Variants in PTBP1 observed in about 807,000 individuals in gnomAD.
PTBP1 encodes the protein polypyrimidine tract binding protein 1.
PTBP1 carries 8 observed loss-of-function variants against 59.8 expected under a neutral mutation model. The observed-to-expected ratio is 0.13, with a 90% confidence interval of 0.08 to 0.24. The LOEUF is 0.24. PTBP1 is among the 10% of genes least tolerant of loss of function. The probability of loss-of-function intolerance (pLI) is 1.00; values close to 1 mark genes in which losing one functional copy is unlikely to be tolerated. For synonymous variants in PTBP1, 490 were observed against 320.7 expected (o/e 1.53, Z -5.64); for missense variants, 686 against 767.0 (o/e 0.89, Z 1.25).
chr19:810,393 G>T, intron 13 of PTBP1, 150 bp from the exon 14 acceptor site: 1 of 626,044 alleles, frequency 1.6e-6, no homozygotes, highest in East Asian at 2.9e-5. Context: ...GACCATTGTG[G>T]ACATGATTTG....
At position 804,516 on chromosome 19, in the gene PTBP1, G is replaced by T. The variant is rs772299539; in HGVS notation, c.436-16G>T. ...CAGCCGCAGGGGCCGGGGACTCACG[G>T]CTGTGCCTCCCACAGCGGGCCCAGG... On this transcript the variant is annotated splice_polypyrimidine_tract_variant and intron_variant, in intron 5 of 14. Coordinates refer to ENST00000356948, the MANE Select transcript of PTBP1 (RefSeq NM_002819.5). 6.3e-7 allele frequency: 1 copy of T among 1,597,908 alleles called. No homozygotes were observed. Among genetic ancestry groups the T allele is most frequent in the Admixed American group, 1.7e-5 (1 of 59,170 alleles).
intron 2 of PTBP1, among the ~76,000 whole-genome samples, chr19:801,358 C>T (rs912741680): frequency 6.6e-6 from 1 of 152,242 alleles, no homozygotes; most frequent in Non-Finnish European, 1.5e-5. Flanking sequence ...TGAGCTGAGC[C>T]AAGCCGGCCT....
At chr19:805,360 T>A in intron 8 of PTBP1, 132 bp from the exon 9 acceptor site, 1 of 1,191,104 alleles carries the variant, frequency 8.4e-7, no homozygotes, top group Non-Finnish European at 1.2e-6. Flanking sequence ...CGGCCCCCCC[T>A]GGAGCAGCGG....
chr19:809,907 T>C (rs1329775021), intron 13 of PTBP1, among the ~76,000 whole-genome samples: 1 of 151,998 alleles, frequency 6.6e-6, no homozygotes, highest in Non-Finnish European at 1.5e-5. Context: ...TCTGTAAAAA[T>C]TACATAATGC....
At position 807,901 on chromosome 19, in the gene PTBP1, C is replaced by A. The variant is rs138165723; in HGVS notation, c.1152C>A (p.Phe384Leu). The change falls in exon 11 of 15, where the codon TTC becomes TTA. Residue 384 changes from phenylalanine to leucine, a missense_variant and splice_region_variant. Transcript: ENST00000356948. ...RVTPQSLFILFGVYGDVQRVK... is the reference protein window; with the variant it reads ...RVTPQSLFILLGVYGDVQRVK... The stretch of plus-strand genomic sequence containing the variant: ...CACCCCAAAGCCTCTTTATTCTTTT[C>A]GGTATGTTATCGTTCACACTTTTAT... 1 of 1,612,302 alleles carries A rather than the reference C, an allele frequency of 6.2e-7. No individual in the cohort carries two copies. The highest frequency in any genetic ancestry group is 2.2e-5 in the East Asian group (1 of 44,876).
intron 1 of PTBP1, among the ~76,000 whole-genome samples, chr19:798,242 C>G (rs1002257997): frequency 2.0e-5 from 3 of 152,106 alleles, no homozygotes; most frequent in Admixed American, 6.5e-5. Context: ...GGGGAGGGGC[C>G]TTCCCGGCTC....
intron 3 of PTBP1, 116 bp downstream of exon 3, chr19:803,752 C>G: frequency 1.0e-6 from 1 of 959,874 alleles, no homozygotes; most frequent in Admixed American, 2.1e-5. Flanking sequence ...CCATGGTCCA[C>G]GCTACAGACC....
At chr19:803,895 C>G in intron 3 of PTBP1, 141 bp from the exon 4 acceptor site, 1 of 1,016,742 alleles carries the variant, frequency 9.8e-7, no homozygotes. Flanking sequence ...GTCTTGGCCT[C>G]TCGCGCTGCT....
At chr19:803,901 C>T (rs2034445815) in intron 3 of PTBP1, 135 bp from the exon 4 acceptor site, 1 of 1,076,226 alleles carries the variant, frequency 9.3e-7, no homozygotes, top group Non-Finnish European at 1.3e-6. Flanking sequence ...GCCTCTCGCG[C>T]TGCTGGTTCA....
chr19:808,781 G>GCCC lies in PTBP1; in HGVS notation c.1463+19_1463+20insCCC, dbSNP rs751106921. On this transcript the variant is annotated intron_variant, in intron 13 of 14. Coordinates refer to ENST00000356948, the MANE Select transcript of PTBP1 (RefSeq NM_002819.5). The surrounding 1 kb of genome is among the most constrained non-coding windows in gnomAD (Gnocchi z 4.7). ...ACATCCCGTGAGTGCTGGGCCGGGG[G>GCCC]GCTCATGGGGCCGGGGGCGGGCAAG... 1.0e-5 allele frequency: 16 copies of GCCC among 1,537,654 alleles called. No homozygotes were observed. In the African/African-American group the frequency reaches 2.2e-4, roughly 21 times the overall value.
chr19:803,726 C>A, intron 3 of PTBP1, 90 bp downstream of exon 3: 1 of 1,210,494 alleles, frequency 8.3e-7, no homozygotes, highest in Non-Finnish European at 1.2e-6. Context: ...TACTTTCCAT[C>A]TCCAACTGCA....
intron 10 of PTBP1, chr19:807,443 TC>T (rs1210291087): frequency 5.9e-6 from 1 of 169,992 alleles, no homozygotes; most frequent in Non-Finnish European, 1.2e-5. Context: ...CGTGTGCCCG[TC>T]GAGGTAAACC....
chr19:809,268 A>C (rs902781758), intron 13 of PTBP1, among the ~76,000 whole-genome samples: 2 of 151,806 alleles, frequency 1.3e-5, no homozygotes, highest in African/African-American at 4.8e-5. Context: ...CGGCCTCCCA[A>C]AGTGCTGGGA....
intron 2 of PTBP1, among the ~76,000 whole-genome samples, chr19:802,552 T>TA (rs1352958790): frequency 1.3e-5 from 2 of 152,132 alleles, no homozygotes; most frequent in Admixed American, 1.3e-4. Flanking sequence ...TCAATCCTGA[T>TA]ACGGGAGATG....
At chr19:806,030 TGCCGCCCGGCG>T (rs1239706320) in intron 9 of PTBP1, 4 of 228,264 alleles carry the variant, frequency 1.8e-5, no homozygotes, top group Non-Finnish European at 3.4e-5. Context: ...GAGCAGCGCG[TGCCGCCCGGCG>T]GCCGCCTCGT....
chr19:802,236 A>G (rs531838593), intron 2 of PTBP1, among the ~76,000 whole-genome samples: 111 of 152,114 alleles, frequency 7.3e-4, no homozygotes, highest in Middle Eastern at 3.4e-3. Flanking sequence ...CGTCGGGAGG[A>G]GGCAGCTGTG....
rs769250746 is a variant in PTBP1 at position 808,777 on chromosome 19, G to C, written c.1463+15G>C. 42 of 1,539,946 alleles carry C rather than the reference G, an allele frequency of 2.7e-5. No individual in the cohort carries two copies. Among genetic ancestry groups the C allele is most frequent in the Middle Eastern group, 1.7e-4 (1 of 5,862 alleles). ...TCCAACATCCCGTGAGTGCTGGGCCGGGGGGCTCATGGGGCCGGGGGCGGG... is the reference window on the plus strand; with the variant it reads ...TCCAACATCCCGTGAGTGCTGGGCCCGGGGGCTCATGGGGCCGGGGGCGGG... On this transcript the variant is annotated intron_variant, in intron 13 of 14. Coordinates refer to ENST00000356948, the MANE Select transcript of PTBP1 (RefSeq NM_002819.5). The surrounding 1 kb of genome is among the most constrained non-coding windows in gnomAD (Gnocchi z 4.7).
intron 1 of PTBP1, among the ~76,000 whole-genome samples, chr19:799,124 C>CTT (rs946041476): frequency 6.6e-6 from 1 of 152,250 alleles, no homozygotes; most frequent in South Asian, 2.1e-4. Context: ...ATGGGGGTGT[C>CTT]TTTGTCTTGG....
intron 10 of PTBP1, 190 bp from the exon 11 acceptor site, chr19:807,679 A>T: frequency 1.9e-6 from 1 of 518,026 alleles, no homozygotes. Flanking sequence ...AAAAACAAAA[A>T]TTCCCCCTCA....
Sources: allele counts gnomAD v4.1 joint callset (sites outside exome capture counted in the v4.1 genomes callset), GRCh38; gene constraint gnomAD v4.1.1; non-coding constraint Gnocchi (gnomAD v3.1); transcripts MANE v1.5; gene names NCBI Gene and HGNC (gene_info 2026-07-23, HGNC 2026-07-21).